Variants in DGKB observed in about 807,000 individuals in gnomAD.
DGKB encodes 90 kDa diacylglycerol kinase.
A neutral mutation model predicts 114.3 loss-of-function variants in DGKB; 67 were observed. That is an observed-to-expected ratio of 0.59 (90% CI 0.48 to 0.72). The LOEUF is 0.72. Ranked by LOEUF, DGKB falls within the 30% of genes least tolerant of loss-of-function variation. DGKB has a pLI of 0.00. For missense variants in DGKB, 907 were observed against 975.2 expected (o/e 0.93, Z 0.93); for synonymous variants, 398 against 323.1 (o/e 1.23, Z -2.49).
chr7:14,201,072 T>G (rs374538319), intron 23 of DGKB, among the ~76,000 whole-genome samples: 1 of 151,996 alleles, frequency 6.6e-6, no homozygotes, highest in African/African-American at 2.4e-5. Context: ...CTGGATCGCA[T>G]ATAAACAACA....
chr7:14,154,577 T>C (rs1782702367), intron 25 of DGKB, among the ~76,000 whole-genome samples: 1 of 151,922 alleles, frequency 6.6e-6, no homozygotes, highest in African/African-American at 2.4e-5. Context: ...ACTCAGTAAA[T>C]GTTAACTATT....
At chr7:14,214,742 C>G (rs557840698) in intron 23 of DGKB, among the ~76,000 whole-genome samples, 1 of 152,114 alleles carries the variant, frequency 6.6e-6, no homozygotes, top group African/African-American at 2.4e-5. Context: ...ATTTCACCCA[C>G]AAAATGTAGC....
At chr7:14,453,840 T>C (rs1831887068) in intron 21 of DGKB, among the ~76,000 whole-genome samples, 1 of 152,162 alleles carries the variant, frequency 6.6e-6, no homozygotes, top group South Asian at 2.1e-4. Context: ...ACATTCCTTT[T>C]ATAAAGTAAG....
At chr7:14,513,602 T>C (rs1788311346) in intron 20 of DGKB, among the ~76,000 whole-genome samples, 1 of 152,028 alleles carries the variant, frequency 6.6e-6, no homozygotes, top group South Asian at 2.1e-4. Flanking sequence ...AATACATCTA[T>C]TGCATTTTGG....
At chr7:14,685,164 C>A (rs1391322723) in intron 10 of DGKB, 81 bp downstream of exon 10, 2 of 874,982 alleles carry the variant, frequency 2.3e-6, no homozygotes, top group African/African-American at 3.3e-5. Context: ...CTTAGGTCTC[C>A]ATTTACAAAT....
intron 1 of DGKB, among the ~76,000 whole-genome samples, chr7:14,970,239 C>T (rs950106593): frequency 2.0e-5 from 3 of 152,134 alleles, no homozygotes; most frequent in African/African-American, 7.2e-5. Context: ...GATGAACTAT[C>T]ACCATCACAT....
chr7:14,280,971 G>A (rs894065906), intron 23 of DGKB, among the ~76,000 whole-genome samples: 29 of 150,914 alleles, frequency 1.9e-4, no homozygotes, highest in Admixed American at 4.6e-4. Flanking sequence ...AAAATCACCA[G>A]CTAACATCAT....
At chr7:14,509,927 G>A (rs944998363) in intron 20 of DGKB, among the ~76,000 whole-genome samples, 5 of 152,110 alleles carry the variant, frequency 3.3e-5, no homozygotes, top group Non-Finnish European at 5.9e-5. Flanking sequence ...TATAATCCCC[G>A]CACATTGGGA....
chr7:14,872,384 T>C (rs1031089827), intron 1 of DGKB, among the ~76,000 whole-genome samples: 6 of 152,162 alleles, frequency 3.9e-5, no homozygotes, highest in African/African-American at 1.2e-4. Context: ...TATAGGCAAA[T>C]ACTACCGGTT....
At chr7:14,495,457 A>G (rs1785168735) in intron 20 of DGKB, among the ~76,000 whole-genome samples, 2 of 151,972 alleles carry the variant, frequency 1.3e-5, no homozygotes, top group Admixed American at 1.3e-4. Context: ...TGAAAAAAGA[A>G]GTTTTCAGGC....
chr7:14,166,793 G>A (rs62443534), intron 25 of DGKB, among the ~76,000 whole-genome samples: 51,886 of 151,952 alleles, frequency 0.34, 9,879 homozygotes, highest in South Asian at 0.51. Context: ...GGACTTAAAA[G>A]CAGAACAAAA....
intron 21 of DGKB, among the ~76,000 whole-genome samples, chr7:14,429,204 G>A (rs889834832): frequency 5.9e-5 from 9 of 152,044 alleles, no homozygotes; most frequent in Non-Finnish European, 8.8e-5. Context: ...CTAATCTCCC[G>A]TGTGATGGTG....
intron 2 of DGKB, among the ~76,000 whole-genome samples, chr7:14,808,788 A>G (rs1368006534): frequency 6.6e-6 from 1 of 152,120 alleles, no homozygotes; most frequent in Non-Finnish European, 1.5e-5. Flanking sequence ...ACTAGGGTAT[A>G]GGTACTCCAA....
At chr7:14,211,365 A>ACTC (rs1236391821) in intron 23 of DGKB, among the ~76,000 whole-genome samples, 15 of 100,734 alleles carry the variant, frequency 1.5e-4, no homozygotes, top group African/African-American at 7.7e-4. Flanking sequence ...TGTGATATTT[A>ACTC]CTCTCGTGTT....
At chr7:14,423,308 T>TA (rs1189550736) in intron 21 of DGKB, among the ~76,000 whole-genome samples, 1 of 152,050 alleles carries the variant, frequency 6.6e-6, no homozygotes, top group Non-Finnish European at 1.5e-5. Flanking sequence ...ATGTAAGATT[T>TA]AAAAAATGGC....
At chr7:14,392,897 C>A (rs1047466821) in intron 21 of DGKB, among the ~76,000 whole-genome samples, 6 of 151,940 alleles carry the variant, frequency 3.9e-5, no homozygotes, top group Non-Finnish European at 2.9e-5. Context: ...GGAGATAAAA[C>A]TTCTACAGAA....
intron 21 of DGKB, among the ~76,000 whole-genome samples, chr7:14,460,048 T>C (rs1353378136): frequency 6.6e-6 from 1 of 152,120 alleles, no homozygotes; most frequent in Non-Finnish European, 1.5e-5. Flanking sequence ...AAGCAAATGC[T>C]GAGAGATTTT....
chr7:14,437,482 T>C (rs196751), intron 21 of DGKB, among the ~76,000 whole-genome samples: 67,999 of 151,748 alleles, frequency 0.45, 15,858 homozygotes, highest in Middle Eastern at 0.56. Context: ...TATGCTCCAC[T>C]CTTAAAAGTA....
chr7:14,338,407 G>T (rs1231639084), intron 23 of DGKB, 108 bp downstream of exon 23: 2 of 599,190 alleles, frequency 3.3e-6, no homozygotes, highest in Non-Finnish European at 5.3e-6. Flanking sequence ...AAATACAACT[G>T]TAAAAATATA....
Sources: allele counts gnomAD v4.1 joint callset (sites outside exome capture counted in the v4.1 genomes callset), GRCh38; gene constraint gnomAD v4.1.1; transcripts MANE v1.5; gene names NCBI Gene and HGNC (gene_info 2026-07-23, HGNC 2026-07-21).